ARL15: variants seen among roughly 807,000 people sequenced by gnomAD.
ARL15 encodes the protein ADP-ribosylation factor-like protein 15.
In ARL15, 19 loss-of-function variants were observed where a neutral mutation model predicts 25.2. That is an observed-to-expected ratio of 0.75 (90% CI 0.53 to 1.10). The LOEUF is 1.10. Ranked by LOEUF, ARL15 falls within the 50% of genes least tolerant of loss-of-function variation. The probability of loss-of-function intolerance (pLI) is 0.00; values close to 1 mark genes in which losing one functional copy is unlikely to be tolerated. For missense variants in ARL15, 220 were observed against 246.0 expected (o/e 0.89, Z 0.71); for synonymous variants, 94 against 86.8 (o/e 1.08, Z -0.46).
chr5:54,071,955 G>C (rs1331645080), intron 4 of ARL15, among the ~76,000 whole-genome samples: 1 of 135,594 alleles, frequency 7.4e-6, no homozygotes, highest in Non-Finnish European at 1.5e-5. Flanking sequence ...CCTGGTGACA[G>C]AGCGAGACTC....
intron 4 of ARL15, among the ~76,000 whole-genome samples, chr5:54,076,449 AAG>A (rs1751610944): frequency 7.1e-6 from 1 of 140,652 alleles, no homozygotes; most frequent in South Asian, 2.3e-4. Flanking sequence ...AAGAAAAAAA[AAG>A]AGAAATCAGG....
At chr5:54,178,712 T>C (rs1166876178) in intron 1 of ARL15, among the ~76,000 whole-genome samples, 2 of 152,244 alleles carry the variant, frequency 1.3e-5, no homozygotes, top group African/African-American at 4.8e-5. Context: ...TAGAAGTGTT[T>C]TCTAACACTA....
chr5:54,256,503 T>C (rs1308954688), intron 1 of ARL15, among the ~76,000 whole-genome samples: 1 of 147,752 alleles, frequency 6.8e-6, no homozygotes, highest in Non-Finnish European at 1.5e-5. Context: ...AAGAAAAAAT[T>C]GGTACCAACC....
At chr5:54,071,535 G>A (rs1751423880) in intron 4 of ARL15, among the ~76,000 whole-genome samples, 1 of 86,646 alleles carries the variant, frequency 1.2e-5, no homozygotes, top group Non-Finnish European at 2.5e-5. Flanking sequence ...CGCAAAGCCA[G>A]ACCCAACCTC....
chr5:54,112,255 C>T (rs983189138), intron 4 of ARL15, among the ~76,000 whole-genome samples: 1 of 152,092 alleles, frequency 6.6e-6, no homozygotes, highest in East Asian at 1.9e-4. Flanking sequence ...GGATTATTCT[C>T]ATTTTAGAGG....
chr5:54,310,304 G>A (rs1249372490), intron 1 of ARL15, 128 bp downstream of exon 1: 2 of 1,074,124 alleles, frequency 1.9e-6, no homozygotes, highest in African/African-American at 1.6e-5. Flanking sequence ...CCAGCCGGCT[G>A]CGGGAGAAAG....
intron 4 of ARL15, among the ~76,000 whole-genome samples, chr5:54,068,676 A>T (rs897111193): frequency 6.6e-6 from 1 of 152,222 alleles, no homozygotes; most frequent in African/African-American, 2.4e-5. Context: ...TTCTGCAGTA[A>T]ATTTATCCTA....
chr5:53,973,309 C>A (rs1747811965), intron 4 of ARL15, among the ~76,000 whole-genome samples: 1 of 152,046 alleles, frequency 6.6e-6, no homozygotes, highest in African/African-American at 2.4e-5. Flanking sequence ...CATGGTGGCT[C>A]ACGCCTGTAA....
intron 1 of ARL15, among the ~76,000 whole-genome samples, chr5:54,174,931 T>C (rs1682624596): frequency 6.6e-6 from 1 of 152,226 alleles, no homozygotes; most frequent in African/African-American, 2.4e-5. Flanking sequence ...TGGTCTTGTT[T>C]GGGGTTCAAG....
At chr5:53,998,284 A>G (rs1383704491) in intron 4 of ARL15, among the ~76,000 whole-genome samples, 9 of 47,322 alleles carry the variant, frequency 1.9e-4, no homozygotes, top group Admixed American at 1.3e-3. Context: ...GGACATCAGG[A>G]AAAAAAAAAA....
At chr5:53,988,211 A>AC (rs1230148293) in intron 4 of ARL15, among the ~76,000 whole-genome samples, 1 of 151,818 alleles carries the variant, frequency 6.6e-6, no homozygotes, top group Admixed American at 6.6e-5. Context: ...TGGGTGGATC[A>AC]CTGAGGCCCA....
chr5:54,181,459 G>C (rs959897842), intron 1 of ARL15, among the ~76,000 whole-genome samples: 5 of 152,130 alleles, frequency 3.3e-5, no homozygotes, highest in African/African-American at 1.2e-4. Context: ...CAATTTAAAG[G>C]AAAGTGAATG....
intron 4 of ARL15, among the ~76,000 whole-genome samples, chr5:54,107,647 A>G (rs530493911): frequency 6.6e-6 from 1 of 152,162 alleles, no homozygotes; most frequent in African/African-American, 2.4e-5. Flanking sequence ...AATAAAAAAG[A>G]GTACGAATTG....
intron 2 of ARL15, among the ~76,000 whole-genome samples, chr5:54,159,954 C>T (rs191435518): frequency 6.6e-6 from 1 of 152,198 alleles, no homozygotes; most frequent in African/African-American, 2.4e-5. Flanking sequence ...GTGGAACACA[C>T]AAGTATTTCA....
At chr5:54,133,216 G>T (rs1753489236) in intron 3 of ARL15, among the ~76,000 whole-genome samples, 2 of 152,128 alleles carry the variant, frequency 1.3e-5, no homozygotes, top group African/African-American at 2.4e-5. Flanking sequence ...GACAACACAG[G>T]CATATAGAAG....
At chr5:54,014,594 CA>C (rs1749352192) in intron 4 of ARL15, among the ~76,000 whole-genome samples, 1 of 151,762 alleles carries the variant, frequency 6.6e-6, no homozygotes, top group Non-Finnish European at 1.5e-5. Flanking sequence ...GATCTCAGCT[CA>C]CTGCAATCTC....
intron 1 of ARL15, among the ~76,000 whole-genome samples, chr5:54,269,177 T>C (rs1757710625): frequency 6.6e-6 from 1 of 151,954 alleles, no homozygotes; most frequent in African/African-American, 2.4e-5. Context: ...CATATGTAAA[T>C]AACCTGCACA....
chr5:54,120,360 T>C (rs1350054306), intron 3 of ARL15, among the ~76,000 whole-genome samples: 2 of 152,210 alleles, frequency 1.3e-5, no homozygotes, highest in East Asian at 1.9e-4. Flanking sequence ...AGTCCTGTCG[T>C]AGTATTTGAA....
At chr5:54,003,290 G>A (rs1480546518) in intron 4 of ARL15, among the ~76,000 whole-genome samples, 1 of 152,170 alleles carries the variant, frequency 6.6e-6, no homozygotes, top group African/African-American at 2.4e-5. Context: ...ACATAAGTAT[G>A]AATGAAGCTG....
Sources: gnomAD v4.1 joint callset for allele counts (sites outside exome capture counted in the v4.1 genomes callset) on GRCh38, gnomAD v4.1.1 for gene constraint, MANE v1.5 for transcripts, NCBI Gene and HGNC (gene_info 2026-07-23, HGNC 2026-07-21) for gene names.